BICC1: variants seen among roughly 807,000 people sequenced by gnomAD.
BICC1 encodes protein bicaudal C homolog 1.
In BICC1, 43 loss-of-function variants were observed where a neutral mutation model predicts 111.0. The observed-to-expected ratio is 0.39, with a 90% CI of 0.30 to 0.50. The LOEUF is 0.50. Among genes scored for constraint, BICC1 ranks in the 20% least tolerant of loss-of-function variants. BICC1 has a pLI of 0.88. For synonymous variants in BICC1, 467 were observed against 434.4 expected, an observed-to-expected ratio of 1.07 and a Z score of -0.93; for missense variants, 1,091 against 1,203.2, an observed-to-expected ratio of 0.91 and a Z score of 1.38.
At chr10:58,601,833 T>C (rs1170899328) in intron 1 of BICC1, among the ~76,000 whole-genome samples, 1 of 152,086 alleles carries the variant, frequency 6.6e-6, no homozygotes, top group Admixed American at 6.6e-5. Context: ...AAAGGATGGA[T>C]TCAAGGGTTG....
chr10:58,663,882 G>T (rs1376854295), intron 2 of BICC1, among the ~76,000 whole-genome samples: 1 of 152,210 alleles, frequency 6.6e-6, no homozygotes. Context: ...ATTTGAGGTT[G>T]TTGGGTGTGT....
chr10:58,728,155 T>A (rs1483291426), intron 3 of BICC1, among the ~76,000 whole-genome samples: 1 of 152,178 alleles, frequency 6.6e-6, no homozygotes, highest in Non-Finnish European at 1.5e-5. Flanking sequence ...AATGGACTCT[T>A]CCTTCCATGA....
chr10:58,598,218 G>C (rs1844895351), intron 1 of BICC1, among the ~76,000 whole-genome samples: 1 of 152,064 alleles, frequency 6.6e-6, no homozygotes, highest in Non-Finnish European at 1.5e-5. Flanking sequence ...TGGGCAAGAA[G>C]AACAAATCTG....
intron 1 of BICC1, among the ~76,000 whole-genome samples, chr10:58,607,443 C>G (rs936476948): frequency 6.6e-6 from 1 of 151,974 alleles, no homozygotes; most frequent in African/African-American, 2.4e-5. Flanking sequence ...ATCCTCCATT[C>G]TCTTTCCCCA....
intron 3 of BICC1, among the ~76,000 whole-genome samples, chr10:58,739,313 G>T (rs561955637): frequency 1.3e-5 from 2 of 152,228 alleles, no homozygotes; most frequent in East Asian, 3.9e-4. Context: ...TTTTGTCAAA[G>T]GCCTTTTCTG....
chr10:58,785,129 G>C (rs536345560), intron 4 of BICC1, 49 bp downstream of exon 4: 70 of 1,115,752 alleles, frequency 6.3e-5, no homozygotes, highest in Non-Finnish European at 8.6e-5. Flanking sequence ...GTCTCTACAA[G>C]GGCTACTTCA....
rs1843104009 is a variant in BICC1 at position 58,789,283 on chromosome 10, A to T, written c.622A>T (p.Met208Leu). Residue 208 changes from methionine to leucine, a missense_variant, in exon 7 of 21, where the codon ATG (methionine) becomes TTG (leucine). Coordinates refer to ENST00000373886, the MANE Select transcript of BICC1 (RefSeq NM_001080512.3). ...TTAGGAGCTGCTTCCTTTGGTGCTG[A>T]TGTTTGAGCTACCAATTGCTGGAAT... ...RIRELLPLVLMFELPIAGILQ... is the reference protein window; with the variant it reads ...RIRELLPLVLLFELPIAGILQ... 4 of 1,613,812 alleles carry T rather than the reference A, an allele frequency of 2.5e-6. No individual in the cohort carries two copies. The highest frequency in any genetic ancestry group is 4.5e-5 in the East Asian group (2 of 44,852).
At chr10:58,552,951 T>G (rs12569559) in intron 1 of BICC1, among the ~76,000 whole-genome samples, 74,454 of 152,018 alleles carry the variant, frequency 0.49, 18,522 homozygotes, top group South Asian at 0.54. Flanking sequence ...TTTTAGTTAT[T>G]ATTTTAAAGA....
At chr10:58,687,602 T>A (rs750062709) in intron 2 of BICC1, among the ~76,000 whole-genome samples, 1 of 152,166 alleles carries the variant, frequency 6.6e-6, no homozygotes, top group Non-Finnish European at 1.5e-5. Flanking sequence ...GCTGCCACCT[T>A]GCAGTTCGAG....
At chr10:58,751,876 T>C (rs1841999988) in intron 3 of BICC1, among the ~76,000 whole-genome samples, 1 of 152,130 alleles carries the variant, frequency 6.6e-6, no homozygotes, top group Non-Finnish European at 1.5e-5. Context: ...TCTAATGCAT[T>C]TGGAAATTGA....
At chr10:58,790,013 T>A in intron 8 of BICC1, 80 bp downstream of exon 8, 1 of 1,479,690 alleles carries the variant, frequency 6.8e-7, no homozygotes. Context: ...ACTGTACTAA[T>A]GTGATATTTA....
At chr10:58,639,450 A>G (rs560652406) in intron 2 of BICC1, among the ~76,000 whole-genome samples, 29 of 146,352 alleles carry the variant, frequency 2.0e-4, no homozygotes, top group African/African-American at 5.8e-4. Context: ...GCTGGAGTGC[A>G]GTGGTGCAAT....
At position 58,771,173 on chromosome 10, in the gene BICC1, C is replaced by T. The variant is rs56287593; in HGVS notation, c.308-13828C>T. Among the ~76,000 whole-genome samples, 418 of 152,028 alleles carry T rather than the reference C, an allele frequency of 2.7e-3. 1 individual carries two copies. Among genetic ancestry groups the T allele is most frequent in the Middle Eastern group, 0.014 (4 of 294 alleles). On this transcript the variant is annotated intron_variant, in intron 3 of 20. Transcript: ENST00000373886. ...CTGAGAGAAGTAGGGTGATTGATTG[C>T]CCAAAGAAAAAGTGATTGAGAATGT...
chr10:58,615,178 G>T (rs1424608785), intron 1 of BICC1, among the ~76,000 whole-genome samples: 4 of 151,966 alleles, frequency 2.6e-5, no homozygotes, highest in African/African-American at 9.7e-5. Context: ...TTGCTTAGAA[G>T]TTTGTTCAAC....
chr10:58,715,067 CAAA>C (rs553874247), intron 3 of BICC1, among the ~76,000 whole-genome samples: 1 of 123,846 alleles, frequency 8.1e-6, no homozygotes, highest in African/African-American at 2.9e-5. Context: ...GACTCTGTCT[CAAA>C]AAAAAAAAAA....
intron 2 of BICC1, among the ~76,000 whole-genome samples, chr10:58,639,542 C>T (rs1190581218): frequency 2.0e-5 from 3 of 147,958 alleles, no homozygotes; most frequent in South Asian, 2.1e-4. Context: ...GGATTACAGG[C>T]GCCTGCCACC....
chr10:58,563,163 A>T (rs928857417), intron 1 of BICC1, among the ~76,000 whole-genome samples: 4 of 152,004 alleles, frequency 2.6e-5, no homozygotes, highest in African/African-American at 9.7e-5. Context: ...GGTCACAGGG[A>T]TATGGAATTG....
chr10:58,540,791 A>G (rs1452196957), intron 1 of BICC1, among the ~76,000 whole-genome samples: 2 of 152,050 alleles, frequency 1.3e-5, no homozygotes, highest in Admixed American at 1.3e-4. Context: ...CAAAACCAGG[A>G]TATGCAAAAA....
At chr10:58,825,721 C>T (rs1423773101) in intron 20 of BICC1, among the ~76,000 whole-genome samples, 2 of 152,192 alleles carry the variant, frequency 1.3e-5, no homozygotes, top group Non-Finnish European at 2.9e-5. Context: ...CTAATTTCCA[C>T]CTGAGCAATT....
Sources: allele counts gnomAD v4.1 joint callset (sites outside exome capture counted in the v4.1 genomes callset), GRCh38; gene constraint gnomAD v4.1.1; transcripts MANE v1.5; gene names NCBI Gene and HGNC (gene_info 2026-07-23, HGNC 2026-07-21).